Variants in CXADR observed in about 807,000 individuals in gnomAD.
The protein encoded by CXADR is coxsackievirus and adenovirus receptor.
Under a neutral mutation model 40.3 loss-of-function variants are expected in CXADR, and 20 were observed. That is an observed-to-expected ratio of 0.50 (90% CI 0.35 to 0.72). The LOEUF is 0.72. Ranked by LOEUF, CXADR falls within the 30% of genes least tolerant of loss-of-function variation. The pLI is 0.01. For synonymous variants in CXADR, 150 were observed against 161.3 expected (o/e 0.93, Z 0.53); for missense variants, 332 against 449.1 (o/e 0.74, Z 2.36).
chr21:17,554,656 G>A (rs1391692799), intron 3 of CXADR, among the ~76,000 whole-genome samples: 1 of 152,196 alleles, frequency 6.6e-6, no homozygotes, highest in Non-Finnish European at 1.5e-5. Flanking sequence ...CTGCTGCTGG[G>A]AGAAACCACC....
At chr21:17,563,111 A>G (rs1466404793) in intron 6 of CXADR, among the ~76,000 whole-genome samples, 1 of 152,168 alleles carries the variant, frequency 6.6e-6, no homozygotes, top group Non-Finnish European at 1.5e-5. Flanking sequence ...GCAAGATACT[A>G]GCTTTCAACC....
intron 7 of CXADR, among the ~76,000 whole-genome samples, chr21:17,577,172 C>T (rs2061327957): frequency 6.6e-6 from 1 of 151,914 alleles, no homozygotes; most frequent in Non-Finnish European, 1.5e-5. Context: ...AAATTGTTTC[C>T]TTGTTAAGAT....
At chr21:17,613,671 C>G in the CXADR span, 4 of 152,330 alleles carry the variant, frequency 2.6e-5, no homozygotes, top group Admixed American at 2.6e-4. Context: ...TCAAGGACTT[C>G]CCAGATGCAA....
At chr21:17,594,265 T>C (rs145339937), downstream of CXADR, 30 of 1,613,162 alleles carry the variant, frequency 1.9e-5, no homozygotes, top group Non-Finnish European at 5.1e-6. Context: ...ATTCCCTCGA[T>C]ACATTCCTGG....
chr21:17,569,081 C>T lies in CXADR; in HGVS notation c.*3389C>T. The T allele has an allele frequency of 1.0e-6, 1 of 985,328 alleles. No homozygotes were observed. 61.0% of individuals were successfully genotyped at this position (985,328 alleles called of 1,614,324 possible). A position where few individuals can be genotyped will look rare whatever the true frequency, so the allele number is the denominator to read the frequency against. On this transcript the variant is annotated 3_prime_UTR_variant, in exon 7 of 7. Transcript: ENST00000284878. ...CTTTTGATGAAATATAAAAGGAACT[C>T]ATTGCATGAAGTTGACTATCAAATT...
downstream of CXADR, among the ~76,000 whole-genome samples, chr21:17,572,611 C>G (rs190718050): frequency 6.6e-6 from 1 of 152,216 alleles, no homozygotes; most frequent in East Asian, 1.9e-4. Flanking sequence ...TCTTCTCTCC[C>G]AGATTATTTC....
intron 1 of CXADR, among the ~76,000 whole-genome samples, chr21:17,540,309 C>T (rs148788884): frequency 0.01 from 1,582 of 152,114 alleles, 9 homozygotes; most frequent in Non-Finnish European, 0.015. Flanking sequence ...ACTCTACCGC[C>T]GTCCCCCAAA....
the CXADR span, among the ~76,000 whole-genome samples, chr21:17,606,112 C>T: frequency 1.0e-3 from 154 of 152,208 alleles, 1 homozygote; most frequent in African/African-American, 3.7e-3. Context: ...CAATAATAAG[C>T]ATTTTAAAAA....
Position 17,565,733 on chromosome 21 carries a change from C to A in CXADR, c.*41C>A, listed in dbSNP as rs772386664. The A allele has an allele frequency of 8.0e-5, 126 of 1,577,170 alleles. No homozygotes were observed. The highest frequency in any genetic ancestry group is 1.0e-4 in the Non-Finnish European group (120 of 1,162,622). On this transcript the variant is annotated 3_prime_UTR_variant, in exon 7 of 7. Coordinates refer to ENST00000284878, the MANE Select transcript of CXADR (RefSeq NM_001338.5). Reference sequence around the variant, plus strand: ...CATCTGTGCTCTCCGTGTTCCTTTCCTTTTTTTGATATATGAAAACCTATT... The same window carrying A: ...CATCTGTGCTCTCCGTGTTCCTTTCATTTTTTTGATATATGAAAACCTATT...
chr21:17,609,530 G>T, the CXADR span, among the ~76,000 whole-genome samples: 1 of 152,164 alleles, frequency 6.6e-6, no homozygotes, highest in African/African-American at 2.4e-5. Context: ...TCTGTGAAAT[G>T]ATTTGAACTT....
chr21:17,548,510 G>T (rs781368988), intron 2 of CXADR, among the ~76,000 whole-genome samples: 1 of 152,130 alleles, frequency 6.6e-6, no homozygotes, highest in Non-Finnish European at 1.5e-5. Context: ...CTCTCTGGAG[G>T]TGCTGGCACC....
intron 1 of CXADR, among the ~76,000 whole-genome samples, chr21:17,536,506 T>C (rs529660406): frequency 2.0e-5 from 3 of 152,188 alleles, no homozygotes; most frequent in Non-Finnish European, 4.4e-5. Context: ...CTCCTTCCTT[T>C]CACTTTCCCT....
At chr21:17,541,994 AT>A in intron 1 of CXADR, 2 of 358,806 alleles carry the variant, frequency 5.6e-6, no homozygotes, top group Non-Finnish European at 5.4e-6. Context: ...TTCAGCACCA[AT>A]TTTCAATATT....
intron 1 of CXADR, among the ~76,000 whole-genome samples, chr21:17,523,681 T>C (rs906143272): frequency 2.6e-5 from 4 of 152,026 alleles, no homozygotes; most frequent in Non-Finnish European, 5.9e-5. Flanking sequence ...TTAAATTAAT[T>C]ATTAAAATAA....
At chr21:17,546,948 C>T in intron 1 of CXADR, 79 bp from the exon 2 acceptor site, 1 of 1,538,876 alleles carries the variant, frequency 6.5e-7, no homozygotes, top group Non-Finnish European at 8.9e-7. Flanking sequence ...CAATGTGCTG[C>T]TTCTGAATGG....
chr21:17,528,968 CTGTGATG>C (rs1293616522), intron 1 of CXADR, among the ~76,000 whole-genome samples: 1 of 151,310 alleles, frequency 6.6e-6, no homozygotes, highest in East Asian at 1.9e-4. Flanking sequence ...TACTCACGGA[CTGTGATG>C]CACAGCTGTG....
intron 1 of CXADR, among the ~76,000 whole-genome samples, chr21:17,535,636 A>T (rs937724299): frequency 6.6e-6 from 1 of 152,176 alleles, no homozygotes; most frequent in African/African-American, 2.4e-5. Context: ...TAAGTTCTTC[A>T]TAACATTTGG....
chr21:17,543,003 T>C (rs1341610337), intron 1 of CXADR: 2 of 357,192 alleles, frequency 5.6e-6, no homozygotes, highest in South Asian at 4.4e-5. Flanking sequence ...TTATATGATC[T>C]CAAGATTTTA....
the CXADR span, chr21:17,613,072 G>C: frequency 3.9e-5 from 6 of 151,932 alleles, no homozygotes; most frequent in Non-Finnish European, 1.5e-5. Context: ...AGCCGCACGG[G>C]AGGCGACACA....
Sources: gnomAD v4.1 joint callset for allele counts (sites outside exome capture counted in the v4.1 genomes callset) on GRCh38, gnomAD v4.1.1 for gene constraint, MANE v1.5 for transcripts, NCBI Gene and HGNC (gene_info 2026-07-23, HGNC 2026-07-21) for gene names.